The following CTDSP2 variants were observed in gnomAD, a reference collection of about 807,000 sequenced individuals.
CTDSP2 encodes carboxy-terminal domain RNA polymerase II polypeptide A small phosphatase 2.
Under a neutral mutation model 31.6 loss-of-function variants are expected in CTDSP2, and 9 were observed. The ratio of observed to expected loss-of-function variants is 0.28; its 90% confidence interval spans 0.17 to 0.50. The LOEUF (loss-of-function observed/expected upper bound fraction) is 0.50. Ranked by LOEUF, CTDSP2 falls within the 20% of genes least tolerant of loss-of-function variation. The pLI, the probability that CTDSP2 is intolerant of heterozygous loss-of-function variation, is 0.98. For missense variants in CTDSP2, 267 were observed against 348.5 expected (o/e 0.77, Z 1.86); for synonymous variants, 134 against 134.5 (o/e 1.00, Z 0.03).
intron 5 of CTDSP2, 136 bp downstream of exon 5, chr12:57,826,210 G>C: frequency 1.8e-6 from 1 of 564,858 alleles, no homozygotes; most frequent in Non-Finnish European, 3.0e-6. Flanking sequence ...CCAATAAAAA[G>C]GGGAGGCTGG....
Position 57,821,908 on chromosome 12 carries a change from G to A in CTDSP2, c.*1694C>T, listed in dbSNP as rs1280456534. The A allele has an allele frequency of 2.0e-5, 3 of 152,302 alleles. No homozygotes were observed. The highest frequency in any genetic ancestry group is 1.9e-4 in the East Asian group (1 of 5,196). 9.4% of individuals were successfully genotyped at this position (152,302 alleles called of 1,614,324 possible). On this transcript the variant is annotated 3_prime_UTR_variant, in exon 8 of 8. Coordinates refer to ENST00000398073, the MANE Select transcript of CTDSP2 (RefSeq NM_005730.4). Reference sequence around the variant, plus strand: ...GCCAGCCAGCCACCGCTGAGAGCACGAAGCTGCTGCTCTACTACCTGCTTT... The same window carrying A: ...GCCAGCCAGCCACCGCTGAGAGCACAAAGCTGCTGCTCTACTACCTGCTTT...
chr12:57,839,636 T>C (rs896475437), intron 1 of CTDSP2, among the ~76,000 whole-genome samples: 10 of 152,016 alleles, frequency 6.6e-5, no homozygotes, highest in African/African-American at 1.9e-4. Context: ...GAGAATGGCA[T>C]AGACCCAGGA....
rs116224441 is a variant in CTDSP2, at chr12:57,827,811, C to T, written c.214-221G>A. On this transcript the variant is annotated intron_variant, in intron 2 of 7. Coordinates refer to ENST00000398073, the MANE Select transcript of CTDSP2 (RefSeq NM_005730.4). ...TAGGCCTGATGAAGGATGGAGAAGACAAGTGTCCCTGTTCTCGGCTGCCAC... is the reference window on the plus strand; with the variant it reads ...TAGGCCTGATGAAGGATGGAGAAGATAAGTGTCCCTGTTCTCGGCTGCCAC... 6.6e-3 allele frequency among the ~76,000 whole-genome samples: 1,006 copies of T among 152,220 alleles called. 12 individuals carry two copies. Among genetic ancestry groups the T allele is most frequent in the African/African-American group, 0.023 (954 of 41,524 alleles).
chr12:57,843,290 A>G (rs1468348822), intron 1 of CTDSP2, among the ~76,000 whole-genome samples: 5 of 152,198 alleles, frequency 3.3e-5, no homozygotes, highest in African/African-American at 1.2e-4. Flanking sequence ...ATAGAGCTGC[A>G]ATCAACAGCC....
intron 1 of CTDSP2, 127 bp downstream of exon 1, chr12:57,846,245 G>A (rs949288624): frequency 2.5e-6 from 2 of 806,738 alleles, no homozygotes; most frequent in East Asian, 3.2e-5. Context: ...GGATGGACCG[G>A]AGGGGTCCAG....
chr12:57,844,559 C>T (rs1248176194), intron 1 of CTDSP2, among the ~76,000 whole-genome samples: 1 of 152,062 alleles, frequency 6.6e-6, no homozygotes, highest in Non-Finnish European at 1.5e-5. Context: ...TCTTGAATCC[C>T]CCCACATCTA....
rs1595189663 is a variant in CTDSP2 at position 57,829,481 on chromosome 12, A to G, written c.180T>C (p.Ala60=). The change falls in exon 2 of 8, where the codon GCT becomes GCC. Residue 60 remains alanine, a synonymous_variant. Transcript: ENST00000398073. The part of the protein sequence containing the change: ...VGQSSSSTEL[A]AYKEEANTIA... ...TGGTGTTTGCTTCCTCCTTATACGC[A>G]GCGAGCTCAGTGGAGGAACTTGACT... 1 of 1,614,196 alleles carries G rather than the reference A, an allele frequency of 6.2e-7. No individual in the cohort carries two copies.
chr12:57,836,887 G>A (rs776464344), intron 1 of CTDSP2, among the ~76,000 whole-genome samples: 18 of 152,180 alleles, frequency 1.2e-4, no homozygotes, highest in Admixed American at 2.6e-4. Context: ...GTAGAAAGTT[G>A]CTTTCTTTTT....
rs1351283117 is a variant in CTDSP2 at position 57,822,903 on chromosome 12, C to T, written c.*699G>A. The T allele has an allele frequency of 6.5e-6, 1 of 152,742 alleles. No homozygotes were observed. The allele number at this position is 152,742 out of a possible 1,614,324, so 9.5% of individuals were successfully genotyped here. ...AACCTCCTTCCCCACAGGTTTGAGA[C>T]TATGGCTAGGTGGTGAGGAAGGCAG... On this transcript the variant is annotated 3_prime_UTR_variant, in exon 8 of 8. Transcript: ENST00000398073.
At chr12:57,826,757 C>T (rs1481842961) in intron 4 of CTDSP2, among the ~76,000 whole-genome samples, 1 of 152,196 alleles carries the variant, frequency 6.6e-6, no homozygotes, top group Non-Finnish European at 1.5e-5. Context: ...GGGGCAGATG[C>T]AGCCTGTTGG....
rs188107230 is a variant in CTDSP2 at position 57,845,923 on chromosome 12, C to T, written c.64+449G>A. 1.8e-4 allele frequency among the ~76,000 whole-genome samples: 27 copies of T among 152,306 alleles called. 1 individual carries two copies. Among genetic ancestry groups the T allele is most frequent in the Admixed American group, 1.4e-3 (22 of 15,310 alleles). On this transcript the variant is annotated intron_variant, in intron 1 of 7. Coordinates refer to ENST00000398073, the MANE Select transcript of CTDSP2 (RefSeq NM_005730.4). ...CGAACGACCTCGGGCTTGGGGGGGC[C>T]TGCAAGTGCTGGACTCCAGTCTCGG... is the stretch of plus-strand genomic sequence containing the variant.
At chr12:57,835,956 G>A (rs949904251) in intron 1 of CTDSP2, among the ~76,000 whole-genome samples, 4 of 152,192 alleles carry the variant, frequency 2.6e-5, no homozygotes, top group Non-Finnish European at 5.9e-5. Context: ...AAGGATAAAC[G>A]AAGTTAGAGA....
intron 2 of CTDSP2, among the ~76,000 whole-genome samples, chr12:57,828,537 CTG>C (rs1956197234): frequency 6.6e-6 from 1 of 152,216 alleles, no homozygotes; most frequent in Non-Finnish European, 1.5e-5. Context: ...GCCTTCAAAT[CTG>C]TGTCCGCAGA....
chr12:57,836,743 T>C (rs112295453), intron 1 of CTDSP2, among the ~76,000 whole-genome samples: 848 of 152,288 alleles, frequency 5.6e-3, no homozygotes, highest in Middle Eastern at 0.024. Flanking sequence ...AATCTTCTCC[T>C]GAAAGTCAGG....
chr12:57,835,189 G>A (rs1436991315), intron 1 of CTDSP2, among the ~76,000 whole-genome samples: 12 of 150,604 alleles, frequency 8.0e-5, no homozygotes, highest in Non-Finnish European at 1.5e-4. Context: ...TTAGCCAGGC[G>A]TGGTGGTGCA....
intron 1 of CTDSP2, among the ~76,000 whole-genome samples, chr12:57,843,989 C>G (rs74407126): frequency 0.049 from 7,430 of 151,734 alleles, 226 homozygotes; most frequent in Middle Eastern, 0.099. Flanking sequence ...CCTCAGGAGT[C>G]GAGACCAGCC....
intron 1 of CTDSP2, among the ~76,000 whole-genome samples, chr12:57,834,167 C>CT (rs879724891): frequency 1.8e-4 from 27 of 148,552 alleles, no homozygotes; most frequent in East Asian, 7.8e-4. Context: ...TTCTGGAAAA[C>CT]TTTTTTTTTT....
chr12:57,846,035 G>C (rs948908259), intron 1 of CTDSP2, among the ~76,000 whole-genome samples: 5 of 152,180 alleles, frequency 3.3e-5, no homozygotes, highest in African/African-American at 1.2e-4. Flanking sequence ...GAAGGAAAGT[G>C]ACGACCCCAC....
Position 57,821,650 on chromosome 12 carries a change from TAA to T in CTDSP2, c.*1950_*1951del, listed in dbSNP as rs1956145582. On this transcript the variant is annotated 3_prime_UTR_variant, in exon 8 of 8. Coordinates refer to ENST00000398073, the MANE Select transcript of CTDSP2 (RefSeq NM_005730.4). The stretch of plus-strand genomic sequence containing the variant: ...TTGGGTCCGAAGCCACAGCTGGCTC[TAA>T]GAGTCTGAGCTCCTGCTTTCCTTCA... 1 of 152,286 alleles carries T rather than the reference TAA, an allele frequency of 6.6e-6. No homozygotes were observed. The allele number at this position is 152,286 out of a possible 1,614,324, so 9.4% of individuals were successfully genotyped here. A position where few individuals can be genotyped will look rare whatever the true frequency, so the allele number is the denominator to read the frequency against.
Sources: gnomAD v4.1 joint callset for allele counts (sites outside exome capture counted in the v4.1 genomes callset) on GRCh38, gnomAD v4.1.1 for gene constraint, MANE v1.5 for transcripts, NCBI Gene and HGNC (gene_info 2026-07-23, HGNC 2026-07-21) for gene names.